FER: variants seen among roughly 807,000 people sequenced by gnomAD.
FER encodes FER tyrosine kinase, also known as tyrosine-protein kinase Fer.
FER carries 63 observed loss-of-function variants against 111.0 expected under a neutral mutation model. The ratio of observed to expected loss-of-function variants is 0.57; its 90% CI spans 0.46 to 0.70. FER has a LOEUF of 0.70. Among genes scored for constraint, FER ranks in the 30% least tolerant of loss-of-function variants. FER has a pLI of 0.00. For synonymous variants in FER, 327 were observed against 313.9 expected, an observed-to-expected ratio of 1.04 and a Z score of -0.44; for missense variants, 914 against 954.0, an observed-to-expected ratio of 0.96 and a Z score of 0.55.
intron 13 of FER, among the ~76,000 whole-genome samples, chr5:109,008,481 C>T (rs1390401322): frequency 6.6e-6 from 1 of 152,060 alleles, no homozygotes; most frequent in Non-Finnish European, 1.5e-5. Flanking sequence ...TTATTTTCAC[C>T]TGTCCTAATT....
At chr5:109,053,703 T>A (rs1434001020) in intron 16 of FER, among the ~76,000 whole-genome samples, 1 of 149,060 alleles carries the variant, frequency 6.7e-6, no homozygotes, top group African/African-American at 2.5e-5. Context: ...TTTTTTTTTT[T>A]TTTTTTTGAG....
chr5:108,765,990 C>G (rs1752278350), intron 1 of FER, among the ~76,000 whole-genome samples: 1 of 151,286 alleles, frequency 6.6e-6, no homozygotes, highest in South Asian at 2.1e-4. Flanking sequence ...AGTGCAGTGG[C>G]ACAATCATTG....
chr5:108,951,180 C>G (rs1055094555), intron 11 of FER, among the ~76,000 whole-genome samples: 2 of 152,084 alleles, frequency 1.3e-5, no homozygotes, highest in African/African-American at 4.8e-5. Flanking sequence ...AGGAGAATCA[C>G]TTGGACCCAG....
At chr5:108,905,154 A>G (rs1387895672) in intron 10 of FER, among the ~76,000 whole-genome samples, 1 of 152,110 alleles carries the variant, frequency 6.6e-6, no homozygotes, top group Non-Finnish European at 1.5e-5. Context: ...GATGCCAGAA[A>G]CACTCTTTTT....
chr5:108,887,890 T>C (rs1377374773), intron 9 of FER, among the ~76,000 whole-genome samples: 1 of 151,876 alleles, frequency 6.6e-6, no homozygotes, highest in Non-Finnish European at 1.5e-5. Flanking sequence ...GTGATGTTAC[T>C]GTTGGTTTGA....
At chr5:109,050,278 A>AG (rs971666022) in intron 16 of FER, among the ~76,000 whole-genome samples, 1 of 152,182 alleles carries the variant, frequency 6.6e-6, no homozygotes, top group African/African-American at 2.4e-5. Context: ...ACATTTTAGG[A>AG]GAAAAAAAAA....
intron 17 of FER, among the ~76,000 whole-genome samples, chr5:109,136,821 C>T (rs1752944270): frequency 6.6e-6 from 1 of 152,046 alleles, no homozygotes; most frequent in Non-Finnish European, 1.5e-5. Context: ...ACTGGAGACA[C>T]ATGAGTCTCT....
At chr5:109,055,159 C>A (rs1214801378) in intron 16 of FER, among the ~76,000 whole-genome samples, 1 of 152,090 alleles carries the variant, frequency 6.6e-6, no homozygotes, top group Non-Finnish European at 1.5e-5. Flanking sequence ...ACACAAAAAT[C>A]ATCTCAAATT....
intron 17 of FER, among the ~76,000 whole-genome samples, chr5:109,131,729 T>C (rs1455954328): frequency 1.3e-5 from 2 of 152,156 alleles, no homozygotes; most frequent in African/African-American, 4.8e-5. Flanking sequence ...TGAGCAGCCA[T>C]CATATGCCAT....
intron 9 of FER, among the ~76,000 whole-genome samples, chr5:108,891,972 A>G (rs1386526367): frequency 1.3e-5 from 2 of 152,132 alleles, no homozygotes; most frequent in African/African-American, 4.8e-5. Context: ...AGCTTCATCC[A>G]TGTCCCTACA....
intron 10 of FER, among the ~76,000 whole-genome samples, chr5:108,909,906 T>G (rs964418263): frequency 4.6e-5 from 7 of 151,700 alleles, no homozygotes; most frequent in Admixed American, 2.0e-4. Flanking sequence ...AAATTTCAGA[T>G]GTATTAAATA....
intron 16 of FER, among the ~76,000 whole-genome samples, chr5:109,098,246 A>G (rs967832904): frequency 3.3e-5 from 5 of 151,892 alleles, no homozygotes; most frequent in African/African-American, 7.2e-5. Flanking sequence ...CTATTAAACA[A>G]TATTTGGTAA....
At chr5:108,777,724 A>C (rs930377282) in intron 2 of FER, among the ~76,000 whole-genome samples, 1 of 152,228 alleles carries the variant, frequency 6.6e-6, no homozygotes. Flanking sequence ...ACAGTTCCAC[A>C]TGACTGGGGA....
intron 10 of FER, among the ~76,000 whole-genome samples, chr5:108,914,239 G>C (rs1172277558): frequency 2.6e-5 from 4 of 151,520 alleles, no homozygotes; most frequent in African/African-American, 7.3e-5. Context: ...CTCTGTGTGT[G>C]TGTGTGTGTG....
At chr5:109,078,602 C>A (rs898963627) in intron 16 of FER, among the ~76,000 whole-genome samples, 1 of 152,156 alleles carries the variant, frequency 6.6e-6, no homozygotes, top group Non-Finnish European at 1.5e-5. Flanking sequence ...TCTTTCACAT[C>A]ATCCACACAA....
intron 16 of FER, among the ~76,000 whole-genome samples, chr5:109,089,757 G>T (rs942101819): frequency 6.6e-6 from 1 of 152,120 alleles, no homozygotes; most frequent in Non-Finnish European, 1.5e-5. Flanking sequence ...ATTTCTCCTG[G>T]GTTTGAGGAA....
At chr5:109,022,433 C>A (rs946689989) in intron 13 of FER, among the ~76,000 whole-genome samples, 2 of 152,088 alleles carry the variant, frequency 1.3e-5, no homozygotes, top group Non-Finnish European at 2.9e-5. Flanking sequence ...GGGGAGACTT[C>A]TCCTATACTG....
rs370215750 is a variant in FER, at chr5:109,056,740, G to C, written c.1924+9542G>C. ...GCTGTTCTTGTCACACAAAAAAATG[G>C]GTAACTATGTAAGATGATGGATATG... On this transcript the variant is annotated intron_variant, in intron 16 of 19. Transcript: ENST00000281092. Among the ~76,000 whole-genome samples, 4 of 152,082 alleles carry C rather than the reference G, an allele frequency of 2.6e-5. No homozygotes were observed. In the East Asian group the frequency reaches 7.7e-4, roughly 29 times the overall value.
intron 16 of FER, among the ~76,000 whole-genome samples, chr5:109,088,854 C>A (rs1777848049): frequency 6.6e-6 from 1 of 151,932 alleles, no homozygotes; most frequent in Admixed American, 6.6e-5. Flanking sequence ...GTTATCAAGA[C>A]CTCCTTAAAA....
Sources: allele counts gnomAD v4.1 joint callset (sites outside exome capture counted in the v4.1 genomes callset), GRCh38; gene constraint gnomAD v4.1.1; transcripts MANE v1.5; gene names NCBI Gene and HGNC (gene_info 2026-07-23, HGNC 2026-07-21).